Variants in DGKB observed in about 807,000 individuals in gnomAD.
The protein encoded by DGKB is 90 kDa diacylglycerol kinase.
A neutral mutation model predicts 114.3 loss-of-function variants in DGKB; 67 were observed. That is an observed-to-expected ratio of 0.59 (90% CI 0.48 to 0.72). DGKB has a LOEUF of 0.72. Among genes scored for constraint, DGKB ranks in the 30% least tolerant of loss-of-function variants. DGKB has a pLI of 0.00. For synonymous variants in DGKB, 398 were observed against 323.1 expected (o/e 1.23, Z -2.49); for missense variants, 907 against 975.2 (o/e 0.93, Z 0.93).
intron 1 of DGKB, among the ~76,000 whole-genome samples, chr7:14,869,911 C>T (rs1338745882): frequency 6.6e-6 from 1 of 152,240 alleles, no homozygotes; most frequent in South Asian, 2.1e-4. Context: ...ATCTGGAAGA[C>T]AATTTAAATA....
chr7:14,455,882 C>T (rs987236530), intron 21 of DGKB, among the ~76,000 whole-genome samples: 3 of 151,970 alleles, frequency 2.0e-5, no homozygotes, highest in Non-Finnish European at 4.4e-5. Flanking sequence ...GCAATGAAAG[C>T]GTCTTCCTTT....
intron 23 of DGKB, among the ~76,000 whole-genome samples, chr7:14,318,778 C>T (rs1332873657): frequency 2.6e-5 from 4 of 152,084 alleles, no homozygotes; most frequent in South Asian, 2.1e-4. Flanking sequence ...CCAGCCATCC[C>T]ATTACTGGGT....
intron 20 of DGKB, among the ~76,000 whole-genome samples, chr7:14,571,698 T>C (rs1448560966): frequency 2.0e-5 from 3 of 152,194 alleles, no homozygotes; most frequent in Admixed American, 6.5e-5. Context: ...AAAGGCCAGA[T>C]TATATTAAAA....
intron 21 of DGKB, among the ~76,000 whole-genome samples, chr7:14,438,843 A>C (rs565007000): frequency 6.6e-6 from 1 of 152,248 alleles, no homozygotes; most frequent in East Asian, 1.9e-4. Flanking sequence ...AAAGGTTAAC[A>C]CTTTCATGTT....
At chr7:14,685,616 C>T (rs1323297167) in intron 9 of DGKB, among the ~76,000 whole-genome samples, 1 of 152,160 alleles carries the variant, frequency 6.6e-6, no homozygotes, top group Non-Finnish European at 1.5e-5. Flanking sequence ...ACAGCGTACC[C>T]CAAGCCATCG....
chr7:14,255,738 T>C (rs972047871), intron 23 of DGKB, among the ~76,000 whole-genome samples: 1 of 131,624 alleles, frequency 7.6e-6, no homozygotes, highest in African/African-American at 2.6e-5. Flanking sequence ...TCTTCTCATC[T>C]CTTTTTTTTT....
At chr7:14,424,874 T>G (rs1827260801) in intron 21 of DGKB, among the ~76,000 whole-genome samples, 1 of 152,056 alleles carries the variant, frequency 6.6e-6, no homozygotes, top group Non-Finnish European at 1.5e-5. Flanking sequence ...CACACTGCCT[T>G]CCTGTGGACA....
intron 23 of DGKB, among the ~76,000 whole-genome samples, chr7:14,321,081 A>G (rs1488609080): frequency 1.3e-5 from 2 of 152,124 alleles, no homozygotes; most frequent in Non-Finnish European, 2.9e-5. Flanking sequence ...ACTTGAGCCC[A>G]GGAGTTTGAG....
chr7:14,543,316 C>T (rs369586039), intron 20 of DGKB, among the ~76,000 whole-genome samples: 71 of 151,888 alleles, frequency 4.7e-4, no homozygotes, highest in Non-Finnish European at 8.4e-4. Flanking sequence ...TGGTGGCATG[C>T]GCCTATGGTC....
At chr7:14,531,662 GA>G (rs1563421259) in intron 20 of DGKB, among the ~76,000 whole-genome samples, 2 of 110,602 alleles carry the variant, frequency 1.8e-5, no homozygotes, top group African/African-American at 7.1e-5. Flanking sequence ...AATGACAGCA[GA>G]TTTTTTTTTT....
chr7:14,734,699 T>A (rs1400313722), intron 5 of DGKB, among the ~76,000 whole-genome samples: 2 of 152,178 alleles, frequency 1.3e-5, no homozygotes, highest in Admixed American at 1.3e-4. Flanking sequence ...TAATAATGGG[T>A]TATTTTTTGT....
intron 23 of DGKB, among the ~76,000 whole-genome samples, chr7:14,293,354 A>G (rs954583591): frequency 6.6e-6 from 1 of 152,200 alleles, no homozygotes; most frequent in Non-Finnish European, 1.5e-5. Flanking sequence ...AGGTAAACAA[A>G]TGCAACTAAG....
Position 14,757,644 on chromosome 7 carries a change from A to G in DGKB, c.147+11T>C. On this transcript the variant is annotated intron_variant, in intron 3 of 25. Coordinates refer to ENST00000402815, the MANE Select transcript of DGKB (RefSeq NM_001350709.2). ...ATATACGAAACTGATATAAAGAAAA[A>G]GAAGTTTTACCCCTTCAGGATTATA... 4.0e-6 allele frequency: 6 copies of G among 1,517,376 alleles called. No individual in the cohort carries two copies. The highest frequency in any genetic ancestry group is 5.4e-6 in the Non-Finnish European group (6 of 1,102,852). 94.0% of individuals were successfully genotyped at this position (1,517,376 alleles called of 1,614,324 possible). A position where few individuals can be genotyped will look rare whatever the true frequency, so the allele number is the denominator to read the frequency against.
chr7:14,639,382 T>C (rs1235771771), intron 13 of DGKB, among the ~76,000 whole-genome samples: 1 of 152,174 alleles, frequency 6.6e-6, no homozygotes, highest in Non-Finnish European at 1.5e-5. Context: ...TGTAGAGCAT[T>C]CAAAACAGAT....
chr7:14,152,110 T>A (rs1782300397), intron 25 of DGKB, among the ~76,000 whole-genome samples: 1 of 152,036 alleles, frequency 6.6e-6, no homozygotes, highest in Admixed American at 6.6e-5. Context: ...CATTCTTGCT[T>A]TTTTTATTAC....
At chr7:14,836,064 CT>C (rs1847115002) in intron 2 of DGKB, among the ~76,000 whole-genome samples, 1 of 152,080 alleles carries the variant, frequency 6.6e-6, no homozygotes, top group Non-Finnish European at 1.5e-5. Flanking sequence ...AGTGAGAAAG[CT>C]GAGGCTCAGG....
At chr7:14,460,303 C>T in intron 21 of DGKB, among the ~76,000 whole-genome samples, 1 of 151,910 alleles carries the variant, frequency 6.6e-6, no homozygotes, top group East Asian at 1.9e-4. Context: ...CACAGGCTGG[C>T]AAATTGGATA....
intron 1 of DGKB, among the ~76,000 whole-genome samples, chr7:14,938,987 A>G (rs796643877): frequency 5.7e-4 from 87 of 152,290 alleles, no homozygotes; most frequent in African/African-American, 2.0e-3. Flanking sequence ...CTATGAGAAT[A>G]AAAGGAGGCA....
intron 21 of DGKB, among the ~76,000 whole-genome samples, chr7:14,421,530 A>G (rs1303394551): frequency 6.6e-6 from 1 of 152,108 alleles, no homozygotes; most frequent in African/African-American, 2.4e-5. Flanking sequence ...AAAACAAGTT[A>G]TTCAAATGTC....
Sources: allele counts gnomAD v4.1 joint callset (sites outside exome capture counted in the v4.1 genomes callset), GRCh38; gene constraint gnomAD v4.1.1; transcripts MANE v1.5; gene names NCBI Gene and HGNC (gene_info 2026-07-23, HGNC 2026-07-21).